Variants in PARD3 observed in about 807,000 individuals in gnomAD.
The protein encoded by PARD3 is partitioning defective 3 homolog.
PARD3 carries 75 observed loss-of-function variants against 155.4 expected under a neutral mutation model. The ratio of observed to expected loss-of-function variants is 0.48; its 90% CI spans 0.40 to 0.58. The LOEUF (loss-of-function observed/expected upper bound fraction) is 0.58, where lower values mean the gene tolerates loss of function less well. PARD3 is among the 20% of genes least tolerant of loss of function. PARD3 has a pLI of 0.00. For synonymous variants in PARD3, 576 were observed against 610.5 expected (o/e 0.94, Z 0.83); for missense variants, 1,642 against 1,721.7 (o/e 0.95, Z 0.82).
intron 1 of PARD3, among the ~76,000 whole-genome samples, chr10:34,746,993 G>A (rs1019857740): frequency 6.6e-6 from 1 of 152,102 alleles, no homozygotes; most frequent in African/African-American, 2.4e-5. Flanking sequence ...GGGATTAGAA[G>A]GCAGAGAAAG....
chr10:34,726,601 C>T (rs767123999), intron 1 of PARD3, among the ~76,000 whole-genome samples: 34 of 151,988 alleles, frequency 2.2e-4, no homozygotes, highest in Non-Finnish European at 4.6e-4. Flanking sequence ...CACACACAAA[C>T]ACATACACAA....
At chr10:34,619,514 T>C (rs887551432) in intron 2 of PARD3, among the ~76,000 whole-genome samples, 1 of 152,226 alleles carries the variant, frequency 6.6e-6, no homozygotes, top group African/African-American at 2.4e-5. Context: ...CATTTTATTG[T>C]ATAGAATTAT....
At chr10:34,302,558 G>C (rs934386697) in intron 20 of PARD3, among the ~76,000 whole-genome samples, 16 of 152,270 alleles carry the variant, frequency 1.1e-4, no homozygotes, top group Middle Eastern at 3.4e-3. Flanking sequence ...ACCCTATGCT[G>C]CTGCTCAATA....
chr10:34,152,619 A>G (rs1264949995), intron 22 of PARD3, among the ~76,000 whole-genome samples: 1 of 152,226 alleles, frequency 6.6e-6, no homozygotes, highest in African/African-American at 2.4e-5. Context: ...TGCATCATTA[A>G]GTACTTCAAT....
At position 34,516,981 on chromosome 10, in the gene PARD3, G is replaced by C. The variant is rs776271143; in HGVS notation, c.401C>G (p.Ala134Gly). The change falls in exon 3 of 25, where the codon GCA (alanine) becomes GGA (glycine). Residue 134 changes from alanine (A) to glycine (G), a missense_variant and splice_region_variant. Ala to Gly is a moderately conservative substitution (Grantham distance 60). Coordinates refer to ENST00000374788, the MANE Select transcript of PARD3 (RefSeq NM_001184785.2). Reference protein sequence around the residue: ...EIEVTPSVLRANMPLHVRRSS... With the variant: ...EIEVTPSVLRGNMPLHVRRSS... ...GAGAAGAAAGAGCTTTCACTTACTT[G>C]CTCGAAGGACTGAAGGTGTGACCTC... 8 of 1,613,160 alleles carry C rather than the reference G, an allele frequency of 5.0e-6. No individual in the cohort carries two copies. The highest frequency in any genetic ancestry group is 6.8e-6 in the Non-Finnish European group (8 of 1,179,314).
chr10:34,799,167 G>A (rs746086553), intron 1 of PARD3, among the ~76,000 whole-genome samples: 6 of 152,032 alleles, frequency 3.9e-5, no homozygotes, highest in African/African-American at 9.7e-5. Context: ...TCAGCCTCCC[G>A]AGTAGCTGGG....
chr10:34,601,598 C>T (rs978322791), intron 2 of PARD3, among the ~76,000 whole-genome samples: 2 of 152,144 alleles, frequency 1.3e-5, no homozygotes, highest in African/African-American at 2.4e-5. Context: ...CCACAGGTAT[C>T]GAGTCACAGA....
intron 2 of PARD3, among the ~76,000 whole-genome samples, chr10:34,592,937 AT>A (rs2088858148): frequency 6.6e-6 from 1 of 152,198 alleles, no homozygotes; most frequent in Admixed American, 6.5e-5. Flanking sequence ...TACCATATTC[AT>A]TCAATACATT....
chr10:34,555,169 T>C (rs1160050249), intron 2 of PARD3, among the ~76,000 whole-genome samples: 4 of 152,222 alleles, frequency 2.6e-5, no homozygotes, highest in Non-Finnish European at 4.4e-5. Context: ...AATGTTCCAC[T>C]GTGGTGGGGG....
At position 34,336,065 on chromosome 10, in the gene PARD3, A is replaced by G. The variant is rs574716192; in HGVS notation, c.2605+134T>C. 61 of 619,140 alleles carry G rather than the reference A, an allele frequency of 9.9e-5. No homozygotes were observed. In the South Asian group the frequency reaches 1.1e-3, roughly 12 times the overall value. 38.4% of individuals were successfully genotyped at this position (619,140 alleles called of 1,614,324 possible). On this transcript the variant is annotated intron_variant, in intron 18 of 24. Coordinates refer to ENST00000374788, the MANE Select transcript of PARD3 (RefSeq NM_001184785.2). ...AATATTTCTTTTCTTATGTAATTCAATTTCTCACAATGAAAACATCTGCGT... is the reference window on the plus strand; with the variant it reads ...AATATTTCTTTTCTTATGTAATTCAGTTTCTCACAATGAAAACATCTGCGT...
chr10:34,241,643 A>T (rs1953604338), intron 22 of PARD3, among the ~76,000 whole-genome samples: 1 of 152,188 alleles, frequency 6.6e-6, no homozygotes, highest in African/African-American at 2.4e-5. Context: ...GGCCATCAAG[A>T]TGTTTCACAA....
chr10:34,800,287 A>C (rs1189202294), intron 1 of PARD3, among the ~76,000 whole-genome samples: 4 of 152,320 alleles, frequency 2.6e-5, no homozygotes, highest in Admixed American at 6.5e-5. Flanking sequence ...AACATGTGCC[A>C]TGAGTGCTTA....
chr10:34,393,903 T>C (rs998229859), intron 7 of PARD3, among the ~76,000 whole-genome samples: 1 of 150,400 alleles, frequency 6.6e-6, no homozygotes, highest in Non-Finnish European at 1.5e-5. Context: ...AGTGGCGCGA[T>C]CTCAGCTCAC....
At chr10:34,219,700 CA>C (rs764395803) in intron 22 of PARD3, among the ~76,000 whole-genome samples, 5 of 152,182 alleles carry the variant, frequency 3.3e-5, no homozygotes, top group Non-Finnish European at 7.3e-5. Flanking sequence ...ATTTAAATAT[CA>C]CCTGTAAATC....
At chr10:34,438,101 C>T (rs534018291) in intron 5 of PARD3, among the ~76,000 whole-genome samples, 4 of 152,200 alleles carry the variant, frequency 2.6e-5, no homozygotes, top group Admixed American at 6.5e-5. Flanking sequence ...AGCGGTGATA[C>T]AGCAGACACC....
intron 22 of PARD3, among the ~76,000 whole-genome samples, chr10:34,134,450 TA>T (rs1468723266): frequency 3.3e-5 from 5 of 152,226 alleles, no homozygotes; most frequent in African/African-American, 1.2e-4. Flanking sequence ...AAACCATTGA[TA>T]AAAACTGACC....
rs569909396 is a variant in PARD3, at chr10:34,295,269, C to G, written c.3066-11024G>C. Among the ~76,000 whole-genome samples, 15 of 152,314 alleles carry G rather than the reference C, an allele frequency of 9.8e-5. No homozygotes were observed. The South Asian group carries it at 1.7e-3, about 17-fold the overall frequency. The stretch of plus-strand genomic sequence containing the variant: ...AGAACACGGAGATGTGTTGTCTCAT[C>G]TCCAGTCTGAATGCTGCTCATGTAA... On this transcript the variant is annotated intron_variant, in intron 20 of 24. Coordinates refer to ENST00000374788, the MANE Select transcript of PARD3 (RefSeq NM_001184785.2).
At chr10:34,231,996 G>A (rs1952958740) in intron 22 of PARD3, among the ~76,000 whole-genome samples, 1 of 152,040 alleles carries the variant, frequency 6.6e-6, no homozygotes, top group African/African-American at 2.4e-5. Context: ...CATACCAAGA[G>A]ATAATAGGCC....
At chr10:34,331,446 CA>C in intron 18 of PARD3, 102 bp from the exon 19 acceptor site, 1 of 665,852 alleles carries the variant, frequency 1.5e-6, no homozygotes, top group South Asian at 1.9e-5. Flanking sequence ...ATTATTTGCT[CA>C]ATGATGAGTT....
Sources: gnomAD v4.1 joint callset for allele counts (sites outside exome capture counted in the v4.1 genomes callset) on GRCh38, gnomAD v4.1.1 for gene constraint, MANE v1.5 for transcripts, NCBI Gene and HGNC (gene_info 2026-07-23, HGNC 2026-07-21) for gene names.